Variants in RIMS2 observed in about 807,000 individuals in gnomAD.
RIMS2 encodes regulating synaptic membrane exocytosis 2.
Under a neutral mutation model 174.4 loss-of-function variants are expected in RIMS2, and 59 were observed. The observed-to-expected ratio is 0.34, with a 90% CI of 0.27 to 0.42. The LOEUF is 0.42. Ranked by LOEUF, RIMS2 falls within the 10% of genes least tolerant of loss-of-function variation. RIMS2 has a pLI of 1.00. For synonymous variants in RIMS2, 606 were observed against 572.5 expected (o/e 1.06, Z -0.84); for missense variants, 1,620 against 1,666.3 (o/e 0.97, Z 0.48).
chr8:103,602,982 CTTTTTTATTTTTA>C (rs974494838), intron 1 of RIMS2, among the ~76,000 whole-genome samples: 9 of 152,076 alleles, frequency 5.9e-5, no homozygotes, highest in Admixed American at 2.6e-4. Flanking sequence ...TATTTTTTGA[CTTTTTTATTTTTA>C]TTTTTTATTT....
chr8:103,954,915 G>T (rs1295558645), intron 14 of RIMS2, among the ~76,000 whole-genome samples: 3 of 152,034 alleles, frequency 2.0e-5, no homozygotes, highest in African/African-American at 4.8e-5. Context: ...TGATAAAGGG[G>T]ATATCACTAC....
chr8:104,189,158 T>A (rs2098984484), intron 19 of RIMS2, among the ~76,000 whole-genome samples: 1 of 152,038 alleles, frequency 6.6e-6, no homozygotes, highest in African/African-American at 2.4e-5. Flanking sequence ...TTCTGTAAGT[T>A]ATCCTGCAAG....
chr8:103,840,195 A>G (rs892822902), intron 3 of RIMS2, among the ~76,000 whole-genome samples: 4 of 152,204 alleles, frequency 2.6e-5, no homozygotes, highest in African/African-American at 4.8e-5. Flanking sequence ...TAATAATGTA[A>G]TAAACATTCA....
exon 23 of RIMS2, chr8:104,251,034 A>G: frequency 1.2e-6 from 2 of 1,613,220 alleles, no homozygotes; most frequent in South Asian, 2.2e-5. Flanking sequence ...CACCGTATGT[A>G]AAAGTGTATC....
Position 103,759,204 on chromosome 8 carries a change from G to A in RIMS2, c.388-7023G>A, listed in dbSNP as rs187829648. Among the ~76,000 whole-genome samples, 677 of 152,138 alleles carry A rather than the reference G, an allele frequency of 4.4e-3. 1 individual carries two copies. Among genetic ancestry groups the A allele is most frequent in the Non-Finnish European group, 7.6e-3 (515 of 67,990 alleles). On this transcript the variant is annotated intron_variant, in intron 2 of 23. Transcript: ENST00000504942. ...GATCCATGGAAGGGAATCACCCTTC[G>A]GGATGCCCTAGCATCCATCAGGGGC...
At chr8:103,602,422 A>C (rs2094802981) in intron 1 of RIMS2, among the ~76,000 whole-genome samples, 2 of 151,742 alleles carry the variant, frequency 1.3e-5, no homozygotes, top group Admixed American at 1.3e-4. Context: ...ATAGTACTTA[A>C]TAGGTATTTT....
chr8:104,044,604 A>G (rs1478922901), intron 19 of RIMS2, among the ~76,000 whole-genome samples: 2 of 151,736 alleles, frequency 1.3e-5, no homozygotes, highest in Non-Finnish European at 3.0e-5. Context: ...TTGTCTTCAA[A>G]TATTAAGTTC....
intron 3 of RIMS2, among the ~76,000 whole-genome samples, chr8:103,829,693 T>TG (rs1017974415): frequency 5.3e-5 from 8 of 152,098 alleles, no homozygotes; most frequent in African/African-American, 1.9e-4. Context: ...GATTAGACAC[T>TG]GGGGCCTACT....
intron 3 of RIMS2, among the ~76,000 whole-genome samples, chr8:103,828,107 G>C (rs2098803022): frequency 6.6e-6 from 1 of 151,992 alleles, no homozygotes; most frequent in Non-Finnish European, 1.5e-5. Flanking sequence ...CTGTGATTTT[G>C]ATAAGGTTTT....
At chr8:104,180,479 T>G (rs2098933536) in intron 19 of RIMS2, among the ~76,000 whole-genome samples, 2 of 151,642 alleles carry the variant, frequency 1.3e-5, no homozygotes, top group African/African-American at 4.8e-5. Context: ...GAAAAGATAT[T>G]GCATTTGTTC....
chr8:103,536,992 T>C (rs1384529378), intron 1 of RIMS2, among the ~76,000 whole-genome samples: 1 of 152,200 alleles, frequency 6.6e-6, no homozygotes, highest in Non-Finnish European at 1.5e-5. Flanking sequence ...AATTCTCTGA[T>C]CTATTCATTG....
chr8:104,086,037 G>A (rs2097531574), intron 19 of RIMS2, among the ~76,000 whole-genome samples: 2 of 151,992 alleles, frequency 1.3e-5, no homozygotes, highest in Non-Finnish European at 2.9e-5. Flanking sequence ...TTAAAAGAAG[G>A]CTAAAGATGG....
intron 19 of RIMS2, among the ~76,000 whole-genome samples, chr8:104,076,510 A>C (rs1360339141): frequency 3.9e-5 from 6 of 152,226 alleles, no homozygotes; most frequent in African/African-American, 1.4e-4. Flanking sequence ...CAATTGGTAC[A>C]CAATATTATT....
intron 1 of RIMS2, among the ~76,000 whole-genome samples, chr8:103,689,974 T>C (rs2096995336): frequency 1.3e-5 from 2 of 151,492 alleles, no homozygotes; most frequent in South Asian, 4.2e-4. Context: ...TTTTTTTTTT[T>C]CTTTGAGATG....
chr8:103,821,347 T>C (rs2098750486), intron 3 of RIMS2, among the ~76,000 whole-genome samples: 1 of 151,698 alleles, frequency 6.6e-6, no homozygotes, highest in African/African-American at 2.4e-5. Context: ...ATACGACCAG[T>C]ATGGTTTAAC....
At chr8:104,118,354 G>T (rs989403181) in intron 19 of RIMS2, among the ~76,000 whole-genome samples, 9 of 108,498 alleles carry the variant, frequency 8.3e-5, no homozygotes, top group African/African-American at 2.5e-4. Flanking sequence ...TTTATTTTTT[G>T]TTTTTTTGTT....
chr8:103,744,256 G>A (rs954164288), intron 2 of RIMS2, among the ~76,000 whole-genome samples: 17 of 151,926 alleles, frequency 1.1e-4, no homozygotes, highest in African/African-American at 3.9e-4. Context: ...ATGTTAGCCG[G>A]GATGGTCTCG....
intron 3 of RIMS2, among the ~76,000 whole-genome samples, chr8:103,836,935 A>G (rs563885145): frequency 4.8e-4 from 73 of 152,356 alleles, no homozygotes; most frequent in South Asian, 1.0e-3. Flanking sequence ...GTTTGATAGT[A>G]CAGTGCAAAG....
intron 19 of RIMS2, among the ~76,000 whole-genome samples, chr8:104,034,133 C>CTG (rs1464156696): frequency 6.6e-6 from 1 of 152,104 alleles, no homozygotes; most frequent in Non-Finnish European, 1.5e-5. Flanking sequence ...GGAAAGTTGG[C>CTG]TGTGCATCAA....
Sources: allele counts gnomAD v4.1 joint callset (sites outside exome capture counted in the v4.1 genomes callset), GRCh38; gene constraint gnomAD v4.1.1; transcripts MANE v1.5; gene names NCBI Gene and HGNC (gene_info 2026-07-23, HGNC 2026-07-21).